The following CNTN4 variants were observed in gnomAD, a reference collection of about 807,000 sequenced individuals.
CNTN4 encodes the protein contactin 4.
CNTN4 carries 77 observed loss-of-function variants against 122.5 expected under a neutral mutation model. The observed-to-expected ratio is 0.63, with a 90% CI of 0.52 to 0.76. The LOEUF (loss-of-function observed/expected upper bound fraction) is 0.76. CNTN4 is among the 30% of genes least tolerant of loss of function. The pLI, the probability that CNTN4 is intolerant of heterozygous loss-of-function variation, is 0.00. For missense variants in CNTN4, 1,256 were observed against 1,259.1 expected (o/e 1.00, Z 0.04); for synonymous variants, 512 against 447.0 (o/e 1.15, Z -1.83).
chr3:2,854,544 A>AT (rs2093597927), intron 7 of CNTN4, among the ~76,000 whole-genome samples: 1 of 152,112 alleles, frequency 6.6e-6, no homozygotes, highest in African/African-American at 2.4e-5. Context: ...AAGTGCTGGC[A>AT]TTACAAGCAT....
chr3:3,057,015 T>C lies in CNTN4; in HGVS notation c.*795T>C, dbSNP rs114066383. 3.3e-5 allele frequency: 5 copies of C among 152,780 alleles called. No homozygotes were observed. The South Asian group carries it at 6.2e-4, about 19-fold the overall frequency. 9.5% of individuals were successfully genotyped at this position (152,780 alleles called of 1,614,324 possible). The stretch of plus-strand genomic sequence containing the variant: ...CATTGTCTTTGTGGTAGCATTATCT[T>C]AGACATTAAATTTGAAGTAACATAT... On this transcript the variant is annotated 3_prime_UTR_variant, in exon 25 of 25. Transcript: ENST00000418658.
chr3:2,950,513 G>C (rs1204614225), intron 13 of CNTN4, among the ~76,000 whole-genome samples: 5 of 152,212 alleles, frequency 3.3e-5, no homozygotes, highest in Non-Finnish European at 7.3e-5. Context: ...GTGACATCCA[G>C]ATGAGGTTAT....
At chr3:2,401,435 G>T (rs1025736085) in intron 3 of CNTN4, among the ~76,000 whole-genome samples, 1 of 152,040 alleles carries the variant, frequency 6.6e-6, no homozygotes, top group African/African-American at 2.4e-5. Flanking sequence ...TGTAGCTAGT[G>T]GCTATTTTGG....
intron 7 of CNTN4, among the ~76,000 whole-genome samples, chr3:2,840,504 T>TC (rs2093335092): frequency 7.4e-6 from 1 of 134,800 alleles, no homozygotes; most frequent in South Asian, 2.7e-4. Flanking sequence ...ATCGAGACCA[T>TC]CCTGGCTAAC....
At chr3:2,222,406 A>T (rs1451826923) in intron 2 of CNTN4, among the ~76,000 whole-genome samples, 3 of 152,248 alleles carry the variant, frequency 2.0e-5, no homozygotes, top group African/African-American at 7.2e-5. Flanking sequence ...GAGAGTAGGC[A>T]GTGACTCCAA....
chr3:2,420,212 A>G lies in CNTN4; in HGVS notation c.-89+80979A>G, dbSNP rs141832822. On this transcript the variant is annotated intron_variant, in intron 3 of 24. Coordinates refer to ENST00000418658, the MANE Select transcript of CNTN4 (RefSeq NM_175607.3). ...AGGTTTGTTCCTCAGCACTTTTTCC[A>G]AAAACTGTGGGAAATTGCACTGCTT... is the stretch of plus-strand genomic sequence containing the variant. Among the ~76,000 whole-genome samples the G allele has an allele frequency of 8.5e-3, 1,297 of 152,212 alleles. 12 individuals carry two copies. The highest frequency in any genetic ancestry group is 0.03 in the African/African-American group (1,232 of 41,524).
At chr3:2,298,830 A>G (rs959013404) in intron 2 of CNTN4, among the ~76,000 whole-genome samples, 2 of 152,220 alleles carry the variant, frequency 1.3e-5, no homozygotes, top group African/African-American at 2.4e-5. Flanking sequence ...CTGTATGGCC[A>G]TGATAGTTTT....
At chr3:2,794,592 C>T (rs371785442) in intron 6 of CNTN4, among the ~76,000 whole-genome samples, 1 of 152,146 alleles carries the variant, frequency 6.6e-6, no homozygotes, top group African/African-American at 2.4e-5. Context: ...TCAAATAGGG[C>T]ATGTTAAGCA....
chr3:2,383,696 C>T (rs980639062), intron 3 of CNTN4, among the ~76,000 whole-genome samples: 1 of 149,352 alleles, frequency 6.7e-6, no homozygotes, highest in Non-Finnish European at 1.5e-5. Context: ...CCTATCCTTC[C>T]CTTTCTTTCC....
intron 2 of CNTN4, among the ~76,000 whole-genome samples, chr3:2,288,579 G>A (rs953833226): frequency 6.6e-6 from 1 of 152,070 alleles, no homozygotes. Flanking sequence ...ATAGCAAGAG[G>A]AAGTTGCTAT....
intron 13 of CNTN4, among the ~76,000 whole-genome samples, chr3:2,968,674 C>T (rs1692572286): frequency 6.6e-6 from 1 of 152,198 alleles, no homozygotes; most frequent in Admixed American, 6.5e-5. Flanking sequence ...TTTACAGCCT[C>T]TCTGAGTCAT....
chr3:2,757,306 T>C (rs921861843), intron 6 of CNTN4, among the ~76,000 whole-genome samples: 4 of 152,252 alleles, frequency 2.6e-5, no homozygotes, highest in South Asian at 2.1e-4. Flanking sequence ...TTCTCTGAAA[T>C]AGGCAGAATT....
At chr3:2,535,866 G>A (rs1040474993) in intron 3 of CNTN4, among the ~76,000 whole-genome samples, 3 of 152,066 alleles carry the variant, frequency 2.0e-5, no homozygotes, top group African/African-American at 7.2e-5. Context: ...CAAAATGTTT[G>A]AGATGTCTCT....
chr3:3,055,037 T>C (rs974676786), intron 24 of CNTN4, among the ~76,000 whole-genome samples: 2 of 152,184 alleles, frequency 1.3e-5, no homozygotes, highest in African/African-American at 4.8e-5. Context: ...CTTTTAGCCA[T>C]GTGACATCCC....
intron 2 of CNTN4, among the ~76,000 whole-genome samples, chr3:2,264,387 A>G (rs1180708981): frequency 6.6e-6 from 1 of 152,016 alleles, no homozygotes; most frequent in Non-Finnish European, 1.5e-5. Context: ...AAAATTTTGT[A>G]ATATACCCAT....
chr3:2,407,272 A>G (rs188666764), intron 3 of CNTN4, among the ~76,000 whole-genome samples: 7 of 152,300 alleles, frequency 4.6e-5, no homozygotes, highest in African/African-American at 1.7e-4. Context: ...CTTGAAACAG[A>G]GGGAAAAAAT....
Position 3,037,310 on chromosome 3 carries a change from C to A in CNTN4, c.2074C>A (p.Arg692=). The A allele has an allele frequency of 6.2e-7, 1 of 1,614,138 alleles. No individual in the cohort carries two copies. The highest frequency in any genetic ancestry group is 1.6e-4 in the Middle Eastern group (1 of 6,062). The change falls in exon 18 of 25, where the codon CGG becomes AGG. Residue 692 remains arginine (R), a synonymous_variant. Coordinates refer to ENST00000418658, the MANE Select transcript of CNTN4 (RefSeq NM_175607.3). The stretch of plus-strand genomic sequence containing the variant: ...GGAGCCCAGCCGCCCCTCAGAGAAA[C>A]GGAGAACAGAAGAAGCTCGTGAGTA... The part of the protein sequence containing the change: ...IGEPSRPSEK[R]RTEEALPEVT...
chr3:2,642,343 T>C (rs954186979), intron 4 of CNTN4, among the ~76,000 whole-genome samples: 2 of 152,304 alleles, frequency 1.3e-5, no homozygotes, highest in Admixed American at 6.5e-5. Context: ...CCCACCCAGA[T>C]TGAGGGTGGG....
At chr3:2,814,642 G>C (rs1421370537) in intron 6 of CNTN4, among the ~76,000 whole-genome samples, 1 of 152,116 alleles carries the variant, frequency 6.6e-6, no homozygotes, top group East Asian at 1.9e-4. Flanking sequence ...TTGTGTCCTG[G>C]CATGGCAAGT....
Sources: allele counts gnomAD v4.1 joint callset (sites outside exome capture counted in the v4.1 genomes callset), GRCh38; gene constraint gnomAD v4.1.1; transcripts MANE v1.5; gene names NCBI Gene and HGNC (gene_info 2026-07-23, HGNC 2026-07-21).